Variants in SLC26A4 observed in about 807,000 individuals in gnomAD.
SLC26A4 encodes solute carrier family 26 member 4.
A neutral mutation model predicts 90.4 loss-of-function variants in SLC26A4; 93 were observed. The observed-to-expected ratio is 1.03, with a 90% confidence interval of 0.87 to 1.22. The LOEUF (loss-of-function observed/expected upper bound fraction) is 1.22, where lower values mean the gene tolerates loss of function less well. Among genes scored for constraint, SLC26A4 ranks in the 50% most tolerant of loss-of-function variants. The probability of loss-of-function intolerance (pLI) is 0.00; values close to 1 mark genes in which losing one functional copy is unlikely to be tolerated. For synonymous variants in SLC26A4, 393 were observed against 354.6 expected, an observed-to-expected ratio of 1.11 and a Z score of -1.22; for missense variants, 1,127 against 946.2, an observed-to-expected ratio of 1.19 and a Z score of -2.51.
At chr7:107,686,409 C>CT (rs1430454609) in intron 8 of SLC26A4, among the ~76,000 whole-genome samples, 2 of 39,860 alleles carry the variant, frequency 5.0e-5, no homozygotes, top group Non-Finnish European at 9.0e-5. Context: ...TCTCTTTTTT[C>CT]TTTCTTTCTT....
Position 107,689,227 on chromosome 7 carries a change from T to C in SLC26A4, c.1149+27T>C, listed in dbSNP as rs777024128. On this transcript the variant is annotated intron_variant, in intron 9 of 20. Coordinates refer to ENST00000644269, the MANE Select transcript of SLC26A4 (RefSeq NM_000441.2). ...TATGGGTGCCCTTTTGCTGAACTGGTTTTATAGGGCTGGAAACAGGAAAAA... is the reference window on the plus strand; with the variant it reads ...TATGGGTGCCCTTTTGCTGAACTGGCTTTATAGGGCTGGAAACAGGAAAAA... 5.6e-6 allele frequency: 9 copies of C among 1,611,386 alleles called. No homozygotes were observed. In the Admixed American group the frequency reaches 1.5e-4, roughly 27 times the overall value.
intron 5 of SLC26A4, 107 bp from the exon 6 acceptor site, chr7:107,674,838 C>A (rs1790978013): frequency 9.7e-6 from 10 of 1,031,040 alleles, no homozygotes; most frequent in East Asian, 2.4e-5. Flanking sequence ...GTGCTATAGG[C>A]AGGCTACTAG....
At chr7:107,687,451 C>G (rs754217494) in intron 8 of SLC26A4, among the ~76,000 whole-genome samples, 1 of 152,168 alleles carries the variant, frequency 6.6e-6, no homozygotes, top group African/African-American at 2.4e-5. Flanking sequence ...TACCAAGAAC[C>G]TACTATATGT....
intron 5 of SLC26A4, 115 bp downstream of exon 5, chr7:107,674,463 CA>C: frequency 1.1e-6 from 1 of 892,450 alleles, no homozygotes; most frequent in Non-Finnish European, 1.8e-6. Flanking sequence ...TCCTGGAACC[CA>C]AAATTATTTT....
chr7:107,679,570 T>C (rs1791120913), intron 6 of SLC26A4, among the ~76,000 whole-genome samples: 1 of 151,816 alleles, frequency 6.6e-6, no homozygotes, highest in Non-Finnish European at 1.5e-5. Flanking sequence ...AAAGAAATTA[T>C]CTAAATGAAA....
rs55868791 is a variant in SLC26A4, at chr7:107,675,303, A to AAAG, written c.765+196_765+197insGAA. Among the ~76,000 whole-genome samples, 2,250 of 143,226 alleles carry AAAG rather than the reference A, an allele frequency of 0.016. 26 individuals carry two copies. Among genetic ancestry groups the AAAG allele is most frequent in the African/African-American group, 0.029 (1,094 of 37,280 alleles). The allele number at this position is 143,226 out of a possible 152,430, so 94.0% of individuals were successfully genotyped here. A position where few individuals can be genotyped will look rare whatever the true frequency, so the allele number is the denominator to read the frequency against. Reference sequence around the variant, plus strand: ...CATCTCTTAAAAAAAAAAAAAAAAAAAAAGAAAGAAAGAAAAGAAAAGAAA... The same window carrying AAAG: ...CATCTCTTAAAAAAAAAAAAAAAAAAAAGAAAGAAAGAAAGAAAAGAAAAGAAA... On this transcript the variant is annotated intron_variant, in intron 6 of 20. Coordinates refer to ENST00000644269, the MANE Select transcript of SLC26A4 (RefSeq NM_000441.2).
In SLC26A4 at chr7:107,683,349, A is replaced by G; in HGVS notation, c.913A>G (p.Ile305Val). ...CCCAGTCCCTATTCCTATAGAAGTA[A>G]TTGTGGTAAGTAGAATATGTAGTTA... ...KIPVPIPIEV[I>V]VTIIATAISY... The change falls in exon 7 of 21, where the codon ATT becomes GTT. Residue 305 changes from isoleucine (I) to valine (V), a missense_variant. Physicochemically the swap from Ile to Val is conservative, Grantham distance 29. Coordinates refer to ENST00000644269, the MANE Select transcript of SLC26A4 (RefSeq NM_000441.2). The G allele has an allele frequency of 3.1e-6, 5 of 1,613,676 alleles. No individual in the cohort carries two copies. Among genetic ancestry groups the G allele is most frequent in the Non-Finnish European group, 3.4e-6 (4 of 1,179,634 alleles).
intron 20 of SLC26A4, among the ~76,000 whole-genome samples, chr7:107,712,981 G>A (rs967751911): frequency 2.0e-5 from 3 of 152,152 alleles, no homozygotes; most frequent in African/African-American, 7.2e-5. Context: ...TAAGCCTCAG[G>A]AATAGTATGT....
intron 15 of SLC26A4, 150 bp from the exon 16 acceptor site, chr7:107,700,951 A>G: frequency 1.6e-6 from 1 of 630,920 alleles, no homozygotes; most frequent in Non-Finnish European, 2.9e-6. Context: ...GAGTAGACAG[A>G]GATCTACTCC....
At chr7:107,704,426 C>A in intron 18 of SLC26A4, 41 bp downstream of exon 18, 1 of 890,094 alleles carries the variant, frequency 1.1e-6, no homozygotes. Context: ...AAGACTTTCC[C>A]GTAAGCCCTT....
At chr7:107,679,367 T>C (rs1791113716) in intron 6 of SLC26A4, among the ~76,000 whole-genome samples, 1 of 152,160 alleles carries the variant, frequency 6.6e-6, no homozygotes, top group African/African-American at 2.4e-5. Flanking sequence ...GATCTATACA[T>C]GTATACACAA....
At chr7:107,674,406 A>G in intron 5 of SLC26A4, 58 bp downstream of exon 5, 1 of 1,281,988 alleles carries the variant, frequency 7.8e-7, no homozygotes, top group South Asian at 1.2e-5. Context: ...AATTAACTTT[A>G]AAGCATATAG....
chr7:107,694,434 T>C lies in SLC26A4; in HGVS notation c.1295T>C (p.Met432Thr). The change falls in exon 11 of 21, where the codon ATG (methionine) becomes ACG (threonine). Residue 432 changes from methionine to threonine, a missense_variant. Met to Thr is a moderately conservative substitution (Grantham distance 81). Transcript: ENST00000644269. ...GGCATCATCTCTGCTGCGATTGTGA[T>C]GATCGCCATTCTTGCCCTGGGGAAG... ...VAGIISAAIV[M>T]IAILALGKLL... 1.2e-6 allele frequency: 2 copies of C among 1,613,776 alleles called. No homozygotes were observed. The highest frequency in any genetic ancestry group is 8.5e-7 in the Non-Finnish European group (1 of 1,179,714).
rs111033398 is a variant in SLC26A4 at position 107,663,414 on chromosome 7, G to A, written c.283G>A (p.Gly95Arg). 1.2e-6 allele frequency: 2 copies of A among 1,613,952 alleles called. No homozygotes were observed. The highest frequency in any genetic ancestry group is 1.3e-5 in the African/African-American group (1 of 74,894). Residue 95 changes from glycine (G) to arginine (R), a missense_variant, in exon 3 of 21, where the codon GGG (glycine) becomes AGG (arginine). Transcript: ENST00000644269. ...LSDVISGVST[G>R]LVATLQGMAY... ...TGACGTCATTTCGGGAGTTAGTACT[G>A]GGCTAGTGGCCACGCTGCAAGGTAA...
chr7:107,682,477 T>C (rs1238143053), intron 6 of SLC26A4, among the ~76,000 whole-genome samples: 1 of 152,198 alleles, frequency 6.6e-6, no homozygotes, highest in South Asian at 2.1e-4. Context: ...GCTTGGCCTA[T>C]ATGTCAATTC....
At chr7:107,669,637 C>T (rs899422208) in intron 3 of SLC26A4, among the ~76,000 whole-genome samples, 1 of 152,144 alleles carries the variant, frequency 6.6e-6, no homozygotes, top group Non-Finnish European at 1.5e-5. Context: ...TTCTAGAATA[C>T]AAACTCCACT....
Position 107,701,207 on chromosome 7 carries a change from A to G in SLC26A4, c.1803+11A>G. ...TTAAGAGCAACAAAGGTGAGATGAC[A>G]TCTTTCTTTTCCCCCTTAAATTATT... On this transcript the variant is annotated intron_variant, in intron 16 of 20. Coordinates refer to ENST00000644269, the MANE Select transcript of SLC26A4 (RefSeq NM_000441.2). 8.6e-6 allele frequency: 13 copies of G among 1,513,504 alleles called. No homozygotes were observed. Among genetic ancestry groups the G allele is most frequent in the Non-Finnish European group, 9.2e-6 (10 of 1,088,458 alleles). The allele number at this position is 1,513,504 out of a possible 1,614,324, so 93.8% of individuals were successfully genotyped here. A position where few individuals can be genotyped will look rare whatever the true frequency, so the allele number is the denominator to read the frequency against.
intron 6 of SLC26A4, among the ~76,000 whole-genome samples, chr7:107,682,134 T>TAAAAA (rs1427349921): frequency 7.1e-6 from 1 of 141,094 alleles, no homozygotes; most frequent in African/African-American, 2.8e-5. Flanking sequence ...AAAAAAATTT[T>TAAAAA]TTTTATGTTA....
At chr7:107,702,684 CA>C (rs11462799) in intron 17 of SLC26A4, among the ~76,000 whole-genome samples, 251 of 99,218 alleles carry the variant, frequency 2.5e-3, no homozygotes, top group African/African-American at 6.4e-3. Flanking sequence ...GACTTCATCT[CA>C]AAAAAAAAAA....
Sources: gnomAD v4.1 joint callset for allele counts (sites outside exome capture counted in the v4.1 genomes callset) on GRCh38, gnomAD v4.1.1 for gene constraint, MANE v1.5 for transcripts, NCBI Gene and HGNC (gene_info 2026-07-23, HGNC 2026-07-21) for gene names.